Variants in CFAP299 observed in about 807,000 individuals in gnomAD.
The protein encoded by CFAP299 is cilia and flagella associated protein 299, also known as cilia- and flagella-associated protein 299.
CFAP299 carries 21 observed loss-of-function variants against 27.0 expected under a neutral mutation model. The ratio of observed to expected loss-of-function variants is 0.78; its 90% CI spans 0.55 to 1.12. CFAP299 has a LOEUF of 1.12. Among genes scored for constraint, CFAP299 ranks in the 50% most tolerant of loss-of-function variants. The probability of loss-of-function intolerance (pLI) is 0.00; values close to 1 mark genes in which losing one functional copy is unlikely to be tolerated. For missense variants in CFAP299, 310 were observed against 276.6 expected, an observed-to-expected ratio of 1.12 and a Z score of -0.86; for synonymous variants, 104 against 98.1, an observed-to-expected ratio of 1.06 and a Z score of -0.36.
intron 2 of CFAP299, among the ~76,000 whole-genome samples, chr4:80,515,867 C>T (rs72874100): frequency 0.075 from 11,400 of 152,060 alleles, 618 homozygotes; most frequent in East Asian, 0.25. Context: ...TCATACAAAG[C>T]CTTTGCTGAA....
At chr4:80,797,110 C>T (rs892212054) in intron 3 of CFAP299, among the ~76,000 whole-genome samples, 1 of 152,158 alleles carries the variant, frequency 6.6e-6, no homozygotes, top group Non-Finnish European at 1.5e-5. Context: ...ATCTCAGAGT[C>T]AGTGTCCAGT....
intron 2 of CFAP299, among the ~76,000 whole-genome samples, chr4:80,422,236 A>T (rs1727318168): frequency 6.6e-6 from 1 of 152,176 alleles, no homozygotes; most frequent in African/African-American, 2.4e-5. Context: ...GTGAATACTT[A>T]ACAACTATTC....
chr4:80,581,633 AAGC>A (rs1294306154), intron 2 of CFAP299, among the ~76,000 whole-genome samples: 1 of 151,294 alleles, frequency 6.6e-6, no homozygotes, highest in Non-Finnish European at 1.5e-5. Context: ...TCTTTGCAAA[AAGC>A]AATCACTAGG....
chr4:80,518,988 A>G (rs1266377336), intron 2 of CFAP299, among the ~76,000 whole-genome samples: 1 of 152,140 alleles, frequency 6.6e-6, no homozygotes, highest in African/African-American at 2.4e-5. Context: ...GAGCAACAAG[A>G]TATGTGGGCT....
chr4:80,699,423 C>T (rs755833981), intron 3 of CFAP299, among the ~76,000 whole-genome samples: 22 of 152,142 alleles, frequency 1.4e-4, no homozygotes, highest in Non-Finnish European at 2.8e-4. Flanking sequence ...CTTCCAGCTG[C>T]AGAAAGCACA....
chr4:80,529,713 C>T (rs1159677189), intron 2 of CFAP299, among the ~76,000 whole-genome samples: 4 of 151,778 alleles, frequency 2.6e-5, no homozygotes, highest in Non-Finnish European at 1.5e-5. Flanking sequence ...CCTTGCTCAG[C>T]TCCACTTGCT....
At chr4:80,692,417 G>C (rs1181950345) in intron 3 of CFAP299, among the ~76,000 whole-genome samples, 2 of 152,132 alleles carry the variant, frequency 1.3e-5, no homozygotes, top group Non-Finnish European at 2.9e-5. Context: ...TGATCTTTGA[G>C]AAACCTGAGA....
intron 2 of CFAP299, among the ~76,000 whole-genome samples, chr4:80,390,344 C>G (rs1187956438): frequency 6.6e-6 from 1 of 151,554 alleles, no homozygotes; most frequent in Non-Finnish European, 1.5e-5. Flanking sequence ...TTTTTATATT[C>G]CACATATAAG....
intron 3 of CFAP299, among the ~76,000 whole-genome samples, chr4:80,753,513 T>G (rs932834537): frequency 2.6e-5 from 4 of 152,182 alleles, no homozygotes; most frequent in African/African-American, 9.6e-5. Flanking sequence ...TCTGAGTTTC[T>G]TTGTGATTTA....
At position 80,354,619 on chromosome 4, in the gene CFAP299, C is replaced by A. The variant is rs572407191; in HGVS notation, c.112-8135C>A. 5.9e-5 allele frequency among the ~76,000 whole-genome samples: 9 copies of A among 152,202 alleles called. No homozygotes were observed. In the East Asian group the frequency reaches 1.7e-3, roughly 29 times the overall value. ...TTGTTGTACAGATTATTTCTTCACCCAGGTATTAAACCTAGTACCCATAGT... is the reference window on the plus strand; with the variant it reads ...TTGTTGTACAGATTATTTCTTCACCAAGGTATTAAACCTAGTACCCATAGT... On this transcript the variant is annotated intron_variant, in intron 1 of 5. Transcript: ENST00000358105.
chr4:80,383,924 G>C (rs1724839506), intron 2 of CFAP299, among the ~76,000 whole-genome samples: 2 of 151,828 alleles, frequency 1.3e-5, no homozygotes, highest in African/African-American at 4.8e-5. Context: ...TTGTTCTTGT[G>C]CTGTTTTCAA....
chr4:80,449,773 A>G (rs1728809817), intron 2 of CFAP299, among the ~76,000 whole-genome samples: 1 of 151,954 alleles, frequency 6.6e-6, no homozygotes, highest in African/African-American at 2.4e-5. Context: ...ACACTTTAAG[A>G]AATTAATTTT....
chr4:80,962,067 C>T (rs1738371696), intron 5 of CFAP299, among the ~76,000 whole-genome samples: 1 of 151,946 alleles, frequency 6.6e-6, no homozygotes, highest in Non-Finnish European at 1.5e-5. Context: ...TGGGGATTTA[C>T]CTTTGGGAGT....
At chr4:80,941,369 T>C (rs1045348595) in intron 4 of CFAP299, among the ~76,000 whole-genome samples, 2 of 152,210 alleles carry the variant, frequency 1.3e-5, no homozygotes, top group African/African-American at 4.8e-5. Flanking sequence ...AGAAACACTG[T>C]GCCAGACCAC....
At chr4:80,588,594 A>G (rs1303385829) in intron 3 of CFAP299, among the ~76,000 whole-genome samples, 2 of 150,866 alleles carry the variant, frequency 1.3e-5, no homozygotes, top group Non-Finnish European at 2.9e-5. Flanking sequence ...CCCAAATATG[A>G]TTTGGTGTCC....
chr4:80,823,316 G>A lies in CFAP299; in HGVS notation c.334-46677G>A, dbSNP rs1031344293. Among the ~76,000 whole-genome samples the A allele has an allele frequency of 1.6e-4, 25 of 151,932 alleles. 1 individual carries two copies. Among genetic ancestry groups the A allele is most frequent in the Non-Finnish European group, 3.2e-4 (22 of 67,994 alleles). ...GCTCCAACAGACAACTAAAACTCAGGGCCAGTAATTACATTATATATTGAT... is the reference window on the plus strand; with the variant it reads ...GCTCCAACAGACAACTAAAACTCAGAGCCAGTAATTACATTATATATTGAT... On this transcript the variant is annotated intron_variant, in intron 3 of 5. Coordinates refer to ENST00000358105, the MANE Select transcript of CFAP299 (RefSeq NM_152770.3).
At chr4:80,689,737 C>T (rs1720519784) in intron 3 of CFAP299, among the ~76,000 whole-genome samples, 2 of 152,140 alleles carry the variant, frequency 1.3e-5, no homozygotes, top group African/African-American at 4.8e-5. Flanking sequence ...AATTAAAAGA[C>T]ATAGACTGGC....
chr4:80,530,415 A>C (rs1290491950), intron 2 of CFAP299, among the ~76,000 whole-genome samples: 3 of 152,192 alleles, frequency 2.0e-5, no homozygotes, highest in African/African-American at 7.2e-5. Flanking sequence ...GGACAGTATC[A>C]AAAAAGTTAT....
At chr4:80,805,858 A>G (rs758813240) in intron 3 of CFAP299, among the ~76,000 whole-genome samples, 4 of 152,106 alleles carry the variant, frequency 2.6e-5, no homozygotes, top group Non-Finnish European at 4.4e-5. Flanking sequence ...TGGCTGAGAG[A>G]GCGAGAGACC....
Sources: gnomAD v4.1 joint callset for allele counts (sites outside exome capture counted in the v4.1 genomes callset) on GRCh38, gnomAD v4.1.1 for gene constraint, MANE v1.5 for transcripts, NCBI Gene and HGNC (gene_info 2026-07-23, HGNC 2026-07-21) for gene names.